Variants in ADAMTS17 observed in about 807,000 individuals in gnomAD.
ADAMTS17 encodes the protein A disintegrin and metalloproteinase with thrombospondin motifs 17.
ADAMTS17 carries 113 observed loss-of-function variants against 141.5 expected under a neutral mutation model. The ratio of observed to expected loss-of-function variants is 0.80; its 90% CI spans 0.69 to 0.93. The LOEUF (loss-of-function observed/expected upper bound fraction) is 0.93, where lower values mean the gene tolerates loss of function less well. Ranked by LOEUF, ADAMTS17 falls within the 40% of genes least tolerant of loss-of-function variation. The pLI is 0.00. For synonymous variants in ADAMTS17, 768 were observed against 630.6 expected (o/e 1.22, Z -3.27); for missense variants, 1,659 against 1,517.9 (o/e 1.09, Z -1.54).
chr15:100,304,052 C>T (rs1248678674), intron 3 of ADAMTS17, among the ~76,000 whole-genome samples: 1 of 152,218 alleles, frequency 6.6e-6, no homozygotes, highest in East Asian at 1.9e-4. Context: ...CATGACTTCC[C>T]TATTCCCAAT....
chr15:100,005,710 AACTG>A (rs1179194985), intron 18 of ADAMTS17, among the ~76,000 whole-genome samples: 1 of 152,208 alleles, frequency 6.6e-6, no homozygotes, highest in African/African-American at 2.4e-5. Flanking sequence ...AAAGCATCAC[AACTG>A]ACTACCAACC....
At chr15:100,231,876 T>A (rs1285411690) in intron 7 of ADAMTS17, among the ~76,000 whole-genome samples, 1 of 152,198 alleles carries the variant, frequency 6.6e-6, no homozygotes, top group African/African-American at 2.4e-5. Flanking sequence ...GTGTAGTAAT[T>A]CCTCATCCTT....
chr15:100,069,252 C>G (rs1190807314), intron 15 of ADAMTS17, among the ~76,000 whole-genome samples: 2 of 152,012 alleles, frequency 1.3e-5, no homozygotes, highest in Non-Finnish European at 2.9e-5. Flanking sequence ...GTGAAAAGAC[C>G]AAATCTACTT....
chr15:99,985,494 G>A (rs2060566894), intron 20 of ADAMTS17, among the ~76,000 whole-genome samples: 1 of 152,230 alleles, frequency 6.6e-6, no homozygotes, highest in South Asian at 2.1e-4. Flanking sequence ...ACACTAAAGT[G>A]TAAACGACTG....
At chr15:100,171,416 G>A (rs570334982) in intron 8 of ADAMTS17, among the ~76,000 whole-genome samples, 5 of 152,244 alleles carry the variant, frequency 3.3e-5, no homozygotes, top group South Asian at 2.1e-4. Flanking sequence ...ATCCCACCTC[G>A]CAGGGCTATG....
intron 18 of ADAMTS17, among the ~76,000 whole-genome samples, chr15:100,007,581 G>A (rs549359999): frequency 7.9e-5 from 12 of 152,214 alleles, no homozygotes; most frequent in East Asian, 7.7e-4. Context: ...AGATGACAGC[G>A]TCTTTGGTAT....
At chr15:100,211,019 G>C (rs2041784997) in intron 7 of ADAMTS17, among the ~76,000 whole-genome samples, 2 of 151,986 alleles carry the variant, frequency 1.3e-5, no homozygotes, top group Non-Finnish European at 1.5e-5. Context: ...AGAATGGCGT[G>C]AATCTGGGAG....
At chr15:100,147,707 C>A (rs2038975315) in intron 10 of ADAMTS17, among the ~76,000 whole-genome samples, 1 of 152,226 alleles carries the variant, frequency 6.6e-6, no homozygotes, top group Admixed American at 6.5e-5. Flanking sequence ...TTCTCCCTTT[C>A]TGGCCTTTGT....
At chr15:100,057,291 C>T (rs1223814810) in intron 15 of ADAMTS17, among the ~76,000 whole-genome samples, 1 of 152,078 alleles carries the variant, frequency 6.6e-6, no homozygotes, top group African/African-American at 2.4e-5. Context: ...TAGAGGACAC[C>T]CAGGCATGCT....
chr15:100,227,264 T>C (rs2141829035), intron 7 of ADAMTS17, among the ~76,000 whole-genome samples: 1 of 152,200 alleles, frequency 6.6e-6, no homozygotes, highest in African/African-American at 2.4e-5. Context: ...TCAAAGTGGG[T>C]TCACCTCAAC....
chr15:100,027,454 G>A (rs540750852), intron 18 of ADAMTS17, among the ~76,000 whole-genome samples: 1 of 152,210 alleles, frequency 6.6e-6, no homozygotes, highest in South Asian at 2.1e-4. Flanking sequence ...TTGGTTAGAT[G>A]AAGGGCATCC....
At chr15:100,269,873 C>T (rs1265713700) in intron 4 of ADAMTS17, among the ~76,000 whole-genome samples, 1 of 152,178 alleles carries the variant, frequency 6.6e-6, no homozygotes, top group Non-Finnish European at 1.5e-5. Flanking sequence ...TCCCTCTATA[C>T]CTCCAAAACT....
At chr15:99,999,731 A>G (rs571479450) in intron 18 of ADAMTS17, among the ~76,000 whole-genome samples, 147 of 152,276 alleles carry the variant, frequency 9.7e-4, no homozygotes, top group African/African-American at 3.3e-3. Context: ...AGTGGGCAGA[A>G]GCAGCGGCAG....
intron 18 of ADAMTS17, among the ~76,000 whole-genome samples, chr15:100,017,481 C>T (rs980476286): frequency 6.6e-6 from 1 of 152,250 alleles, no homozygotes; most frequent in Non-Finnish European, 1.5e-5. Flanking sequence ...CGATGGATCC[C>T]TGTGGTGCCA....
At chr15:100,224,669 A>C (rs1329865526) in intron 7 of ADAMTS17, among the ~76,000 whole-genome samples, 1 of 152,180 alleles carries the variant, frequency 6.6e-6, no homozygotes, top group Admixed American at 6.5e-5. Flanking sequence ...ATCTGCTGTA[A>C]CCTTCTCCTA....
intron 15 of ADAMTS17, among the ~76,000 whole-genome samples, chr15:100,070,206 T>A (rs2033866124): frequency 6.7e-6 from 1 of 149,996 alleles, no homozygotes; most frequent in Non-Finnish European, 1.5e-5. Flanking sequence ...ACTAAATATA[T>A]ATGCACCCAA....
chr15:99,979,554 G>C (rs899992515), intron 20 of ADAMTS17: 1 of 151,616 alleles, frequency 6.6e-6, no homozygotes, highest in Non-Finnish European at 1.5e-5. Flanking sequence ...CCAATCCCCT[G>C]CAAAACCACG....
chr15:100,018,702 A>T (rs948460764), intron 18 of ADAMTS17, among the ~76,000 whole-genome samples: 1 of 152,216 alleles, frequency 6.6e-6, no homozygotes, highest in African/African-American at 2.4e-5. Flanking sequence ...ATCCAGTCTC[A>T]GGTAGTTCTT....
intron 7 of ADAMTS17, among the ~76,000 whole-genome samples, chr15:100,243,066 G>A (rs538158219): frequency 6.6e-6 from 1 of 152,252 alleles, no homozygotes; most frequent in East Asian, 1.9e-4. Flanking sequence ...TCAAGTGAGT[G>A]GCTTCATTCA....
Sources: allele counts gnomAD v4.1 joint callset (sites outside exome capture counted in the v4.1 genomes callset), GRCh38; gene constraint gnomAD v4.1.1; transcripts MANE v1.5; gene names NCBI Gene and HGNC (gene_info 2026-07-23, HGNC 2026-07-21).